The following PBLD variants were observed in gnomAD, a reference collection of about 807,000 sequenced individuals.
PBLD encodes phenazine biosynthesis-like domain-containing protein.
A neutral mutation model predicts 31.3 loss-of-function variants in PBLD; 26 were observed. The ratio of observed to expected loss-of-function variants is 0.83; its 90% confidence interval spans 0.61 to 1.15. The LOEUF is 1.15. Among genes scored for constraint, PBLD ranks in the 50% most tolerant of loss-of-function variants. PBLD has a pLI of 0.00. For missense variants in PBLD, 307 were observed against 351.7 expected, an observed-to-expected ratio of 0.87 and a Z score of 1.02; for synonymous variants, 114 against 129.0, an observed-to-expected ratio of 0.88 and a Z score of 0.79.
At chr10:68,311,102 C>G (rs1174429344) in intron 1 of PBLD, among the ~76,000 whole-genome samples, 1 of 152,118 alleles carries the variant, frequency 6.6e-6, no homozygotes, top group East Asian at 1.9e-4. Context: ...ACACCATTAA[C>G]GTACACCGCT....
In PBLD at chr10:68,306,854, A is replaced by C. The variant is rs1467809759; in HGVS notation, c.-10T>G. ...AAATAGGAAGCTTCATTTTCCTTGC[A>C]AGCTGTTTTTGCAAGTTCTCAAAAT... is the stretch of plus-strand genomic sequence containing the variant. On this transcript the variant is annotated 5_prime_UTR_variant, in exon 2 of 10. Coordinates refer to ENST00000358769, the MANE Select transcript of PBLD (RefSeq NM_022129.4). 1.2e-6 allele frequency: 2 copies of C among 1,602,722 alleles called. No individual in the cohort carries two copies. The highest frequency in any genetic ancestry group is 8.5e-7 in the Non-Finnish European group (1 of 1,172,024).
chr10:68,326,677 T>C (rs923766512), intron 1 of PBLD, among the ~76,000 whole-genome samples: 12 of 152,210 alleles, frequency 7.9e-5, no homozygotes, highest in African/African-American at 2.7e-4. Flanking sequence ...TAAAACAGCA[T>C]GGAACTAGAA....
At chr10:68,312,469 A>C (rs2044681672) in intron 1 of PBLD, among the ~76,000 whole-genome samples, 2 of 152,044 alleles carry the variant, frequency 1.3e-5, no homozygotes, top group South Asian at 4.1e-4. Context: ...GCTATTGACC[A>C]TTTGTATATC....
Position 68,292,024 on chromosome 10 carries a change from C to T in PBLD, c.409G>A (p.Glu137Lys). The change falls in exon 6 of 10, where the codon GAG (glutamate) becomes AAG (lysine). Residue 137 changes from glutamate (E) to lysine (K), a missense_variant. Coordinates refer to ENST00000358769, the MANE Select transcript of PBLD (RefSeq NM_022129.4). Reference protein sequence around the residue: ...PAHPQDFHEVEDLIKTAIGNT... With the variant: ...PAHPQDFHEVKDLIKTAIGNT... The stretch of plus-strand genomic sequence containing the variant: ...TTTTTACCAACCTTTATCAAGTCCT[C>T]TACTTCATGGAAGTCCTAGATGGGG... The T allele has an allele frequency of 6.3e-7, 1 of 1,589,894 alleles. No individual in the cohort carries two copies. Among genetic ancestry groups the T allele is most frequent in the South Asian group, 1.1e-5 (1 of 90,494 alleles).
In PBLD at chr10:68,293,974, TCAAAAAAACAAAAA is replaced by T. The variant is rs1293148975; in HGVS notation, c.284-1750_284-1737del. ...TGGGTGACAAGAGCAAAACTCCATC[TCAAAAAAACAAAAA>T]CAAAAAAACAAAAGACACTCAATTT... On this transcript the variant is annotated intron_variant, in intron 4 of 9. Coordinates refer to ENST00000358769, the MANE Select transcript of PBLD (RefSeq NM_022129.4). Among the ~76,000 whole-genome samples the T allele has an allele frequency of 9.9e-5, 15 of 151,764 alleles. No homozygotes were observed. The South Asian group carries it at 1.2e-3, about 13-fold the overall frequency.
intron 2 of PBLD, among the ~76,000 whole-genome samples, chr10:68,304,552 C>T (rs760934230): frequency 9.9e-5 from 15 of 151,056 alleles, no homozygotes; most frequent in Non-Finnish European, 1.5e-4. Flanking sequence ...TATGTTTTAA[C>T]GGAGAGATAG....
chr10:68,288,292 A>G (rs1196553643), intron 8 of PBLD, 191 bp downstream of exon 8: 2 of 620,570 alleles, frequency 3.2e-6, no homozygotes, highest in East Asian at 2.8e-5. Flanking sequence ...TAACCCTGTT[A>G]TCCACCTGCT....
chr10:68,298,952 A>T (rs755643030), intron 2 of PBLD, among the ~76,000 whole-genome samples: 2 of 151,778 alleles, frequency 1.3e-5, no homozygotes, highest in African/African-American at 2.4e-5. Context: ...TAAAAATACA[A>T]AAAAATTAGC....
intron 2 of PBLD, among the ~76,000 whole-genome samples, chr10:68,303,954 C>T (rs1054625767): frequency 3.9e-5 from 6 of 152,296 alleles, no homozygotes; most frequent in East Asian, 1.9e-4. Flanking sequence ...TACTGAATAA[C>T]GATGGGTTTA....
In PBLD at chr10:68,325,247, G is replaced by A. The variant is rs571617542; in HGVS notation, c.-60+7537C>T. On this transcript the variant is annotated intron_variant, in intron 1 of 9. Transcript: ENST00000358769. Reference sequence around the variant, plus strand: ...TGACAAAACAAGACTCCGTCTCAGGGAAAACAACAAAACAAAACAAAAACC... The same window carrying A: ...TGACAAAACAAGACTCCGTCTCAGGAAAAACAACAAAACAAAACAAAAACC... Among the ~76,000 whole-genome samples the A allele has an allele frequency of 2.2e-3, 331 of 151,810 alleles. 1 individual carries two copies. Among genetic ancestry groups the A allele is most frequent in the African/African-American group, 7.4e-3 (306 of 41,394 alleles).
rs750653074 is a variant in PBLD at position 68,284,244 on chromosome 10, C to T, written c.800G>A (p.Arg267His). The change falls in exon 10 of 10, where the codon CGT becomes CAT. Residue 267 changes from arginine (R) to histidine (H), a missense_variant. Transcript: ENST00000358769. ...HRGGELGISL[R>H]PDGRVDIRGG... Reference sequence around the variant, plus strand: ...TCTAATGTCAACCCTTCCGTCTGGACGAAGGGAAATTCCCAGCTCTCCTCC... The same window carrying T: ...TCTAATGTCAACCCTTCCGTCTGGATGAAGGGAAATTCCCAGCTCTCCTCC... 64 of 1,613,870 alleles carry T rather than the reference C, an allele frequency of 4.0e-5. No homozygotes were observed. In the Admixed American group the frequency reaches 6.7e-4, roughly 17 times the overall value.
intron 4 of PBLD, among the ~76,000 whole-genome samples, chr10:68,292,761 C>T (rs2044376589): frequency 6.6e-6 from 1 of 152,160 alleles, no homozygotes; most frequent in African/African-American, 2.4e-5. Context: ...ACACCCACCT[C>T]GGCCTCCCAA....
chr10:68,299,545 C>A (rs998446883), intron 2 of PBLD, among the ~76,000 whole-genome samples: 1 of 152,066 alleles, frequency 6.6e-6, no homozygotes, highest in Admixed American at 6.6e-5. Flanking sequence ...GATTTTAAAA[C>A]TACCGGCTGA....
At chr10:68,314,620 C>A (rs887638844) in intron 1 of PBLD, among the ~76,000 whole-genome samples, 3 of 151,444 alleles carry the variant, frequency 2.0e-5, no homozygotes, top group Non-Finnish European at 4.4e-5. Flanking sequence ...CTTTTTGAGA[C>A]AGAATCTCAC....
intron 7 of PBLD, 35 bp downstream of exon 7, chr10:68,288,896 C>T: frequency 6.4e-7 from 1 of 1,567,240 alleles, no homozygotes; most frequent in Non-Finnish European, 8.8e-7. Flanking sequence ...GGTACTCAGC[C>T]CTCCCCAAAG....
chr10:68,285,654 CTTTTT>C (rs2044277562), intron 8 of PBLD, among the ~76,000 whole-genome samples: 1 of 151,862 alleles, frequency 6.6e-6, no homozygotes, highest in South Asian at 2.1e-4. Context: ...CTTTTCTTTC[CTTTTT>C]TCTTTTTATT....
intron 1 of PBLD, chr10:68,331,916 T>G (rs960122897): frequency 2.0e-5 from 3 of 152,318 alleles, no homozygotes; most frequent in Admixed American, 6.5e-5. Flanking sequence ...CCCCAACAGC[T>G]GCGCAACCCA....
At chr10:68,289,133 C>T (rs906643826) in intron 6 of PBLD, 114 bp from the exon 7 acceptor site, 8 of 747,056 alleles carry the variant, frequency 1.1e-5, no homozygotes, top group Non-Finnish European at 1.6e-5. Context: ...GCATGCCCAT[C>T]GTCTCCAGTC....
chr10:68,318,183 A>T (rs2044762610), intron 1 of PBLD, among the ~76,000 whole-genome samples: 1 of 150,214 alleles, frequency 6.7e-6, no homozygotes. Flanking sequence ...GCCGAGATCA[A>T]GCCACTGCAC....
Sources: allele counts gnomAD v4.1 joint callset (sites outside exome capture counted in the v4.1 genomes callset), GRCh38; gene constraint gnomAD v4.1.1; transcripts MANE v1.5; gene names NCBI Gene and HGNC (gene_info 2026-07-23, HGNC 2026-07-21).